HPD: variants seen among roughly 807,000 people sequenced by gnomAD.
HPD encodes the protein 4-hydroxyphenylpyruvate dioxygenase, also known as 4-hydroxyphenylpyruvic acid oxidase.
A neutral mutation model predicts 56.9 loss-of-function variants in HPD; 35 were observed. The ratio of observed to expected loss-of-function variants is 0.62; its 90% CI spans 0.47 to 0.82. The LOEUF is 0.82. Ranked by LOEUF, HPD falls within the 40% of genes least tolerant of loss-of-function variation. HPD has a pLI of 0.00. For missense variants in HPD, 442 were observed against 506.8 expected (o/e 0.87, Z 1.23); for synonymous variants, 186 against 200.2 (o/e 0.93, Z 0.60).
chr12:121,857,170 C>G, intron 4 of HPD, 158 bp downstream of exon 4: 1 of 633,598 alleles, frequency 1.6e-6, no homozygotes, highest in Non-Finnish European at 2.9e-6. Flanking sequence ...ACCTCTGCCT[C>G]CCGGGTTCAA....
chr12:121,882,928 AT>A, the HPD span, among the ~76,000 whole-genome samples: 1 of 151,926 alleles, frequency 6.6e-6, no homozygotes, highest in African/African-American at 2.4e-5. Flanking sequence ...GGGTTTCACC[AT>A]GTTGGCCAGG....
chr12:121,847,000 GC>G (rs1051563280), intron 10 of HPD, 51 bp downstream of exon 10: 1 of 1,612,914 alleles, frequency 6.2e-7, no homozygotes, highest in African/African-American at 1.3e-5. Flanking sequence ...CCCTACAAGA[GC>G]CCCCAGACCT....
rs1415357723 is a variant in HPD at position 121,857,806 on chromosome 12, C to T, written c.44G>A (p.Arg15Gln). Residue 15 changes from arginine (R) to glutamine (Q), a missense_variant, in exon 3 of 14, where the codon CGA (arginine) becomes CAA (glutamine). Arg to Gln is a conservative substitution (Grantham distance 43, BLOSUM62 1). Transcript: ENST00000289004. ...GGTCACAGAGTGGAAGTGGAGGAATCGGCCTCTCTCAGGCTGCAGAAGGAG... is the reference window on the plus strand; with the variant it reads ...GGTCACAGAGTGGAAGTGGAGGAATTGGCCTCTCTCAGGCTGCAGAAGGAG... ...SDKGAKPERG[R>Q]FLHFHSVTFW... The T allele has an allele frequency of 5.0e-6, 8 of 1,613,704 alleles. No homozygotes were observed. The highest frequency in any genetic ancestry group is 1.1e-5 in the South Asian group (1 of 91,060).
the HPD span, among the ~76,000 whole-genome samples, chr12:121,881,489 GC>G: frequency 6.6e-6 from 1 of 152,046 alleles, no homozygotes; most frequent in African/African-American, 2.4e-5. Flanking sequence ...TGTACTGAAG[GC>G]CACACTCCTG....
chr12:121,843,605 G>A, intron 12 of HPD, 105 bp downstream of exon 12: 5 of 1,311,904 alleles, frequency 3.8e-6, no homozygotes, highest in Admixed American at 3.7e-5. Context: ...TTGCCAGCAG[G>A]GACTTGGTCT....
At chr12:121,865,047 C>A (rs1052913720), upstream of HPD, among the ~76,000 whole-genome samples, 4 of 151,606 alleles carry the variant, frequency 2.6e-5, no homozygotes, top group African/African-American at 7.3e-5. Context: ...GTGGGTGGAT[C>A]ACTTGAGGTC....
At chr12:121,857,514 C>G in intron 3 of HPD, 82 bp from the exon 4 acceptor site, 1 of 1,095,672 alleles carries the variant, frequency 9.1e-7, no homozygotes, top group Non-Finnish European at 1.4e-6. Context: ...CCTGGCCCCC[C>G]TCAGCCTGCC....
chr12:121,876,167 T>C, the HPD span, among the ~76,000 whole-genome samples: 1 of 151,904 alleles, frequency 6.6e-6, no homozygotes, highest in African/African-American at 2.4e-5. Context: ...AAAAATTAGC[T>C]GGGCGTGGTG....
the HPD span, among the ~76,000 whole-genome samples, chr12:121,886,041 C>T: frequency 1.4e-3 from 217 of 151,710 alleles, 2 homozygotes; most frequent in African/African-American, 5.1e-3. Context: ...GTGATCCAGC[C>T]GCCTCGGTCT....
the HPD span, among the ~76,000 whole-genome samples, chr12:121,872,595 T>C: frequency 6.6e-6 from 1 of 151,840 alleles, no homozygotes; most frequent in Non-Finnish European, 1.5e-5. Flanking sequence ...TCTCCATCCT[T>C]TCCCTGCTCC....
At chr12:121,847,518 C>T (rs1027613783) in intron 9 of HPD, among the ~76,000 whole-genome samples, 1 of 152,086 alleles carries the variant, frequency 6.6e-6, no homozygotes, top group Admixed American at 6.6e-5. Flanking sequence ...GCTACCACAC[C>T]TGGATAATTT....
At chr12:121,881,806 T>C in the HPD span, among the ~76,000 whole-genome samples, 1 of 142,760 alleles carries the variant, frequency 7.0e-6, no homozygotes, top group Non-Finnish European at 1.6e-5. Context: ...GCCACCATGC[T>C]CAGCTAATTT....
chr12:121,857,648 T>A, intron 3 of HPD, 109 bp downstream of exon 3: 2 of 1,013,884 alleles, frequency 2.0e-6, no homozygotes, highest in East Asian at 4.8e-5. Flanking sequence ...ACCCCTGGCC[T>A]GATCCTCCCT....
intron 12 of HPD, 141 bp downstream of exon 12, chr12:121,843,569 C>G: frequency 1.1e-6 from 1 of 931,928 alleles, no homozygotes; most frequent in Non-Finnish European, 1.7e-6. Flanking sequence ...CTCCTCCTCC[C>G]ACATAGACCC....
At chr12:121,875,627 T>C in the HPD span, among the ~76,000 whole-genome samples, 11 of 152,196 alleles carry the variant, frequency 7.2e-5, no homozygotes, top group Middle Eastern at 6.8e-3. Flanking sequence ...GGTTTCACCA[T>C]GTTGCCCAGG....
At chr12:121,850,023 C>T in intron 7 of HPD, 1 of 528,028 alleles carries the variant, frequency 1.9e-6, no homozygotes, top group Non-Finnish European at 3.5e-6. Context: ...GTACCCAGCG[C>T]CAAGCTCAGT....
At chr12:121,874,839 G>A in the HPD span, among the ~76,000 whole-genome samples, 1 of 149,748 alleles carries the variant, frequency 6.7e-6, no homozygotes, top group East Asian at 2.1e-4. Context: ...TCTGCCCACC[G>A]CAACCTCTGC....
Position 121,851,004 on chromosome 12 carries a change from C to T in HPD, c.415-1214G>A, listed in dbSNP as rs565334753. ...TCAGCCTCCTGAGTAGCTGGGATTACAGGCATGCACCACCACGTCCAGCCA... is the reference window on the plus strand; with the variant it reads ...TCAGCCTCCTGAGTAGCTGGGATTATAGGCATGCACCACCACGTCCAGCCA... On this transcript the variant is annotated intron_variant, in intron 7 of 13. Transcript: ENST00000289004. Among the ~76,000 whole-genome samples, 3 of 152,080 alleles carry T rather than the reference C, an allele frequency of 2.0e-5. No homozygotes were observed. The South Asian group carries it at 6.2e-4, about 32-fold the overall frequency.
chr12:121,843,305 T>C (rs973294738), intron 12 of HPD, among the ~76,000 whole-genome samples: 5 of 152,226 alleles, frequency 3.3e-5, no homozygotes, highest in Non-Finnish European at 7.3e-5. Context: ...CACTCTAGCC[T>C]ATTCTTTCTG....
Sources: gnomAD v4.1 joint callset for allele counts (sites outside exome capture counted in the v4.1 genomes callset) on GRCh38, gnomAD v4.1.1 for gene constraint, MANE v1.5 for transcripts, NCBI Gene and HGNC (gene_info 2026-07-23, HGNC 2026-07-21) for gene names.